RBFOX3: variants seen among roughly 807,000 people sequenced by gnomAD.
The protein encoded by RBFOX3 is RNA binding fox-1 homolog 3, also known as RNA binding protein fox-1 homolog 3.
RBFOX3 carries 17 observed loss-of-function variants against 48.7 expected under a neutral mutation model. The ratio of observed to expected loss-of-function variants is 0.35; its 90% confidence interval spans 0.24 to 0.52. RBFOX3 has a LOEUF of 0.52. RBFOX3 is among the 20% of genes least tolerant of loss of function. The pLI, the probability that RBFOX3 is intolerant of heterozygous loss-of-function variation, is 0.94. For missense variants in RBFOX3, 382 were observed against 497.5 expected, an observed-to-expected ratio of 0.77 and a Z score of 2.21; for synonymous variants, 212 against 209.5, an observed-to-expected ratio of 1.01 and a Z score of -0.10.
intron 1 of RBFOX3, among the ~76,000 whole-genome samples, chr17:79,521,411 C>A (rs2086077888): frequency 6.6e-6 from 1 of 151,934 alleles, no homozygotes; most frequent in African/African-American, 2.4e-5. Context: ...CACACACATA[C>A]CCTCACAGAC....
chr17:79,107,428 T>A (rs1348388245), intron 5 of RBFOX3, among the ~76,000 whole-genome samples: 1 of 152,170 alleles, frequency 6.6e-6, no homozygotes, highest in East Asian at 1.9e-4. Flanking sequence ...GCAGATGGGC[T>A]CCCAAAGACT....
intron 4 of RBFOX3, among the ~76,000 whole-genome samples, chr17:79,173,215 A>ATACATACATACATACATACATAC (rs1555730591): frequency 7.1e-4 from 62 of 87,840 alleles, no homozygotes; most frequent in East Asian, 5.8e-3. Flanking sequence ...CAAATAAATA[A>ATACATACATACATACATACATAC]ATAAATACAT....
chr17:79,371,380 G>A (rs924141686), intron 2 of RBFOX3, among the ~76,000 whole-genome samples: 2 of 152,212 alleles, frequency 1.3e-5, no homozygotes, highest in Non-Finnish European at 2.9e-5. Flanking sequence ...CAGGGCTTCC[G>A]TCTTCCTCAG....
intron 1 of RBFOX3, among the ~76,000 whole-genome samples, chr17:79,489,381 A>G (rs1017477909): frequency 2.4e-4 from 36 of 152,048 alleles, no homozygotes; most frequent in Admixed American, 4.6e-4. Flanking sequence ...TGCAGCCTCC[A>G]CCGCCCAGGC....
At chr17:79,540,786 T>C (rs782487501) in intron 1 of RBFOX3, among the ~76,000 whole-genome samples, 16 of 152,236 alleles carry the variant, frequency 1.1e-4, no homozygotes, top group Non-Finnish European at 1.9e-4. Context: ...TGAAATATTC[T>C]TGAAGGGGTT....
chr17:79,485,452 C>A (rs1484974541), intron 1 of RBFOX3, among the ~76,000 whole-genome samples: 2 of 152,138 alleles, frequency 1.3e-5, no homozygotes, highest in Non-Finnish European at 2.9e-5. Context: ...GCTCCAACCC[C>A]ACTGCTCCCC....
At chr17:79,414,920 G>A (rs1402822403) in intron 2 of RBFOX3, among the ~76,000 whole-genome samples, 1 of 152,220 alleles carries the variant, frequency 6.6e-6, no homozygotes, top group Non-Finnish European at 1.5e-5. Flanking sequence ...GGCAGCGGGA[G>A]GGGCCGTCGC....
At chr17:79,596,838 G>A (rs976143140) in intron 1 of RBFOX3, among the ~76,000 whole-genome samples, 11 of 152,332 alleles carry the variant, frequency 7.2e-5, no homozygotes, top group African/African-American at 2.6e-4. Context: ...CTTTGTGGAT[G>A]CTTCTCATGT....
At chr17:79,641,280 T>G in the RBFOX3 span, among the ~76,000 whole-genome samples, 1 of 152,162 alleles carries the variant, frequency 6.6e-6, no homozygotes, top group African/African-American at 2.4e-5. Context: ...GGATGGCTAT[T>G]ATCAAAAAGA....
rs576137258 is a variant in RBFOX3 at position 79,249,211 on chromosome 17, C to T, written c.-73-13406G>A. Among the ~76,000 whole-genome samples the T allele has an allele frequency of 1.9e-4, 29 of 152,274 alleles. No individual in the cohort carries two copies. The highest frequency in any genetic ancestry group is 6.3e-4 in the African/African-American group (26 of 41,564). On this transcript the variant is annotated intron_variant, in intron 3 of 14. Coordinates refer to ENST00000693108, the MANE Select transcript of RBFOX3 (RefSeq NM_001350451.2). The surrounding 1 kb of genome is among the most constrained non-coding windows in gnomAD (Gnocchi z 4.1). ...CAGGAACTGCTGCTTGCTGGGGCGT[C>T]GAAAGCCAAGCGCGCTCAGGTCTTC...
At chr17:79,142,194 C>CACAA (rs1356638868) in intron 4 of RBFOX3, among the ~76,000 whole-genome samples, 2 of 152,190 alleles carry the variant, frequency 1.3e-5, no homozygotes, top group African/African-American at 4.8e-5. Context: ...ACTTTCATTT[C>CACAA]ACAAAACTCC....
At chr17:79,251,908 C>A (rs1414009389) in intron 3 of RBFOX3, among the ~76,000 whole-genome samples, 1 of 152,218 alleles carries the variant, frequency 6.6e-6, no homozygotes, top group East Asian at 1.9e-4. Context: ...TCCCCAGTGG[C>A]CGAGCTCACA....
chr17:79,273,860 G>A (rs541596613), intron 3 of RBFOX3, among the ~76,000 whole-genome samples: 4 of 152,170 alleles, frequency 2.6e-5, no homozygotes, highest in Admixed American at 1.3e-4. Context: ...GGGGAAGGAG[G>A]AACCTTCTGC....
At chr17:79,124,346 G>T (rs115792759) in intron 4 of RBFOX3, among the ~76,000 whole-genome samples, 2 of 152,218 alleles carry the variant, frequency 1.3e-5, no homozygotes, top group African/African-American at 4.8e-5. Flanking sequence ...TGAACGTGTG[G>T]CAGATAAATG....
intron 1 of RBFOX3, among the ~76,000 whole-genome samples, chr17:79,514,577 T>C (rs1445440396): frequency 6.6e-6 from 1 of 152,216 alleles, no homozygotes; most frequent in Admixed American, 6.5e-5. Flanking sequence ...TGCCCTTTTG[T>C]GGCCACTGCC....
At chr17:79,115,083 C>T (rs548230488) in intron 5 of RBFOX3, among the ~76,000 whole-genome samples, 2 of 152,246 alleles carry the variant, frequency 1.3e-5, no homozygotes, top group Non-Finnish European at 2.9e-5. Context: ...GCCACCTCCA[C>T]GGCTCTGCCT....
chr17:79,347,186 C>T (rs1243522622), intron 2 of RBFOX3, among the ~76,000 whole-genome samples: 1 of 152,190 alleles, frequency 6.6e-6, no homozygotes, highest in Non-Finnish European at 1.5e-5. Flanking sequence ...TGTCTTCCTG[C>T]ATCTGGCATA....
chr17:79,144,141 C>T (rs150834295), intron 4 of RBFOX3, among the ~76,000 whole-genome samples: 256 of 152,172 alleles, frequency 1.7e-3, no homozygotes, highest in African/African-American at 5.7e-3. Context: ...TGGAGGGATG[C>T]GCTGACCTGG....
intron 3 of RBFOX3, among the ~76,000 whole-genome samples, chr17:79,259,567 G>T (rs1444094206): frequency 6.6e-6 from 1 of 152,200 alleles, no homozygotes; most frequent in Non-Finnish European, 1.5e-5. Context: ...GACTCTGGGG[G>T]CCCAGGTGAG....
Sources: allele counts gnomAD v4.1 joint callset (sites outside exome capture counted in the v4.1 genomes callset), GRCh38; gene constraint gnomAD v4.1.1; non-coding constraint Gnocchi (gnomAD v3.1); transcripts MANE v1.5; gene names NCBI Gene and HGNC (gene_info 2026-07-23, HGNC 2026-07-21).